PPFIBP2: variants seen among roughly 807,000 people sequenced by gnomAD.
PPFIBP2 encodes PPFIB scaffold protein 2, also known as liprin-beta-2.
A neutral mutation model predicts 118.3 loss-of-function variants in PPFIBP2; 118 were observed. The observed-to-expected ratio is 1.00, with a 90% CI of 0.86 to 1.16. The LOEUF is 1.16. Among genes scored for constraint, PPFIBP2 ranks in the 50% most tolerant of loss-of-function variants. PPFIBP2 has a pLI of 0.00. For synonymous variants in PPFIBP2, 414 were observed against 397.4 expected (o/e 1.04, Z -0.50); for missense variants, 1,195 against 1,073.1 (o/e 1.11, Z -1.59).
At chr11:7,585,908 A>G (rs540115025) in intron 3 of PPFIBP2, among the ~76,000 whole-genome samples, 8 of 152,366 alleles carry the variant, frequency 5.3e-5, no homozygotes, top group Admixed American at 5.2e-4. Flanking sequence ...ATTACTAGCT[A>G]TAAAAATTCC....
chr11:7,516,594 G>A (rs776052205), intron 1 of PPFIBP2, among the ~76,000 whole-genome samples: 2 of 152,176 alleles, frequency 1.3e-5, no homozygotes, highest in East Asian at 3.8e-4. Flanking sequence ...GCGCCTGGGT[G>A]CAGGTGGGCT....
intron 1 of PPFIBP2, among the ~76,000 whole-genome samples, chr11:7,525,026 C>T (rs1850100729): frequency 6.6e-6 from 1 of 152,150 alleles, no homozygotes; most frequent in Admixed American, 6.5e-5. Flanking sequence ...CTCACTGGTG[C>T]GGCACAATGC....
the PPFIBP2 span, chr11:7,665,866 G>C: frequency 6.5e-7 from 1 of 1,535,988 alleles, no homozygotes; most frequent in Non-Finnish European, 8.7e-7. Context: ...GAGTTGTCCG[G>C]CAGGGTGTGG....
At position 7,647,018 on chromosome 11, in the gene PPFIBP2, T is replaced by C. The variant is rs1345523565; in HGVS notation, c.1647-1369T>C. ...CCTCGTAAAATATTTTCAGGACCCA[T>C]GAAAGCCCAGGTTCCAGATTATGAT... On this transcript the variant is annotated intron_variant, in intron 17 of 23. Coordinates refer to ENST00000299492, the MANE Select transcript of PPFIBP2 (RefSeq NM_003621.5). Among the ~76,000 whole-genome samples the C allele has an allele frequency of 2.0e-5, 3 of 152,182 alleles. 1 individual carries two copies. Among genetic ancestry groups the C allele is most frequent in the Non-Finnish European group, 2.9e-5 (2 of 68,040 alleles).
In PPFIBP2 at chr11:7,597,687, C is replaced by A; in HGVS notation, c.486+14C>A. On this transcript the variant is annotated intron_variant, in intron 5 of 23. Coordinates refer to ENST00000299492, the MANE Select transcript of PPFIBP2 (RefSeq NM_003621.5). Reference sequence around the variant, plus strand: ...ATGCTTCAACAGGTAAGGGCGGGTGCACTGAAGGCCCTTGGGTGCCGAAGC... The same window carrying A: ...ATGCTTCAACAGGTAAGGGCGGGTGAACTGAAGGCCCTTGGGTGCCGAAGC... 1.2e-6 allele frequency: 2 copies of A among 1,600,920 alleles called. No individual in the cohort carries two copies. Among genetic ancestry groups the A allele is most frequent in the African/African-American group, 1.3e-5 (1 of 74,794 alleles).
At chr11:7,565,199 A>T (rs4598664) in intron 2 of PPFIBP2, among the ~76,000 whole-genome samples, 5 of 152,030 alleles carry the variant, frequency 3.3e-5, no homozygotes, top group African/African-American at 4.8e-5. Flanking sequence ...GCCCGAGATT[A>T]GATAAAGATG....
At chr11:7,654,612 C>T (rs1024745123), downstream of PPFIBP2, among the ~76,000 whole-genome samples, 3 of 152,260 alleles carry the variant, frequency 2.0e-5, no homozygotes, top group Non-Finnish European at 2.9e-5. Context: ...TGCCAGCTGG[C>T]AATGCTGCTG....
At chr11:7,654,376 T>G (rs1445834740), downstream of PPFIBP2, among the ~76,000 whole-genome samples, 1 of 152,226 alleles carries the variant, frequency 6.6e-6, no homozygotes, top group African/African-American at 2.4e-5. Flanking sequence ...CAGGCAGTGC[T>G]TGGCTCCCCT....
At chr11:7,608,491 T>G (rs1212470818) in intron 5 of PPFIBP2, among the ~76,000 whole-genome samples, 1 of 151,628 alleles carries the variant, frequency 6.6e-6, no homozygotes, top group Admixed American at 6.6e-5. Flanking sequence ...AAATACAAAA[T>G]CCGCTGGGCG....
downstream of PPFIBP2, among the ~76,000 whole-genome samples, chr11:7,658,239 G>A: frequency 6.7e-6 from 1 of 148,912 alleles, no homozygotes; most frequent in Non-Finnish European, 1.5e-5. Flanking sequence ...CTGGTGCACT[G>A]CACCCACTAA....
downstream of PPFIBP2, among the ~76,000 whole-genome samples, chr11:7,655,083 T>C (rs1276808954): frequency 1.3e-5 from 2 of 152,132 alleles, no homozygotes; most frequent in East Asian, 1.9e-4. Context: ...AAGGCCTTCA[T>C]TCCTACTGCT....
At position 7,639,723 on chromosome 11, in the gene PPFIBP2, T is replaced by A. The variant is rs761720568; in HGVS notation, c.1237-9T>A. On this transcript the variant is annotated splice_polypyrimidine_tract_variant and intron_variant, in intron 14 of 23. Transcript: ENST00000299492. ...TCGGTATCTCTCTCTTTCTCTCACC[T>A]TCCAATAGGACAGCCCTTTCTTGGC... 6.2e-7 allele frequency: 1 copy of A among 1,614,076 alleles called. No homozygotes were observed. The highest frequency in any genetic ancestry group is 1.1e-5 in the South Asian group (1 of 91,046).
intron 7 of PPFIBP2, among the ~76,000 whole-genome samples, chr11:7,624,153 T>G (rs1162263551): frequency 3.3e-5 from 5 of 152,190 alleles, no homozygotes; most frequent in Admixed American, 2.0e-4. Flanking sequence ...CCAAGCCTGG[T>G]AAGAGTGGCC....
intron 3 of PPFIBP2, among the ~76,000 whole-genome samples, chr11:7,573,523 G>A (rs1284697312): frequency 6.6e-6 from 1 of 152,212 alleles, no homozygotes; most frequent in Non-Finnish European, 1.5e-5. Context: ...GGAGAGTTGA[G>A]TATGAGATAG....
chr11:7,617,213 C>T (rs1590622865), intron 6 of PPFIBP2: 1 of 985,460 alleles, frequency 1.0e-6, no homozygotes, highest in East Asian at 1.1e-4. Context: ...GTAGGGACCA[C>T]CCTGAGGAGG....
intron 1 of PPFIBP2, among the ~76,000 whole-genome samples, chr11:7,532,453 C>G (rs534386103): frequency 6.6e-6 from 1 of 152,302 alleles, no homozygotes; most frequent in Admixed American, 6.5e-5. Flanking sequence ...TGGAGAGGCA[C>G]TTACTACTGA....
intron 1 of PPFIBP2, among the ~76,000 whole-genome samples, chr11:7,531,992 C>T (rs189087759): frequency 1.3e-5 from 2 of 152,234 alleles, no homozygotes; most frequent in Admixed American, 6.5e-5. Context: ...TGTACTACCA[C>T]ACTTGGCTAG....
intron 3 of PPFIBP2, among the ~76,000 whole-genome samples, chr11:7,569,381 G>T (rs949874009): frequency 1.3e-5 from 2 of 152,190 alleles, no homozygotes; most frequent in Non-Finnish European, 2.9e-5. Flanking sequence ...GTGGCACTGG[G>T]TTAAGTGAGT....
intron 1 of PPFIBP2, among the ~76,000 whole-genome samples, chr11:7,546,917 G>T (rs959340793): frequency 6.6e-6 from 1 of 152,220 alleles, no homozygotes; most frequent in Non-Finnish European, 1.5e-5. Flanking sequence ...ACTAGATTGT[G>T]TGGTTCATGG....
Sources: allele counts gnomAD v4.1 joint callset (sites outside exome capture counted in the v4.1 genomes callset), GRCh38; gene constraint gnomAD v4.1.1; transcripts MANE v1.5; gene names NCBI Gene and HGNC (gene_info 2026-07-23, HGNC 2026-07-21).